The following SNTG1 variants were observed in gnomAD, a reference collection of about 807,000 sequenced individuals.
The protein encoded by SNTG1 is syntrophin gamma 1, also known as gamma-1-syntrophin.
Under a neutral mutation model 74.7 loss-of-function variants are expected in SNTG1, and 39 were observed. That is an observed-to-expected ratio of 0.52 (90% confidence interval 0.40 to 0.68). The LOEUF (loss-of-function observed/expected upper bound fraction) is 0.68, where lower values mean the gene tolerates loss of function less well. Ranked by LOEUF, SNTG1 falls within the 30% of genes least tolerant of loss-of-function variation. SNTG1 has a pLI of 0.00. For synonymous variants in SNTG1, 254 were observed against 217.1 expected, an observed-to-expected ratio of 1.17 and a Z score of -1.49; for missense variants, 685 against 609.5, an observed-to-expected ratio of 1.12 and a Z score of -1.30.
chr8:50,449,395 T>C (rs2093434886), intron 5 of SNTG1, among the ~76,000 whole-genome samples: 1 of 152,214 alleles, frequency 6.6e-6, no homozygotes, highest in South Asian at 2.1e-4. Flanking sequence ...TTGCTACACA[T>C]TGAGGAGAAT....
intron 2 of SNTG1, among the ~76,000 whole-genome samples, chr8:50,332,966 T>C (rs929163274): frequency 2.6e-5 from 4 of 152,256 alleles, no homozygotes; most frequent in African/African-American, 9.6e-5. Flanking sequence ...ATTGTGAGTA[T>C]GTGTTAGCAT....
At chr8:50,586,624 A>G (rs2094649960) in intron 12 of SNTG1, among the ~76,000 whole-genome samples, 1 of 146,218 alleles carries the variant, frequency 6.8e-6, no homozygotes, top group African/African-American at 2.5e-5. Context: ...GTAAATAATG[A>G]CATTCTCTCC....
intron 12 of SNTG1, among the ~76,000 whole-genome samples, chr8:50,564,606 T>G (rs1396957133): frequency 6.6e-6 from 1 of 152,132 alleles, no homozygotes; most frequent in African/African-American, 2.4e-5. Context: ...AGCTTCTCAG[T>G]TTTTTACTTT....
At chr8:50,676,148 T>G (rs1010105806) in intron 15 of SNTG1, among the ~76,000 whole-genome samples, 3 of 152,028 alleles carry the variant, frequency 2.0e-5, no homozygotes, top group African/African-American at 7.2e-5. Flanking sequence ...AGTGTTGTTC[T>G]CTGCATTTCC....
intron 1 of SNTG1, among the ~76,000 whole-genome samples, chr8:50,058,754 G>C (rs1820234301): frequency 6.6e-6 from 1 of 151,942 alleles, no homozygotes; most frequent in Non-Finnish European, 1.5e-5. Context: ...GTGTGTGTGT[G>C]TGTGTGTGTA....
chr8:50,118,087 A>C (rs1012108040), intron 1 of SNTG1, among the ~76,000 whole-genome samples: 4 of 152,176 alleles, frequency 2.6e-5, no homozygotes, highest in Non-Finnish European at 5.9e-5. Context: ...ATTTATGAAC[A>C]ATCTATTTGA....
intron 9 of SNTG1, among the ~76,000 whole-genome samples, chr8:50,504,420 T>C (rs1312280381): frequency 6.6e-6 from 1 of 152,162 alleles, no homozygotes; most frequent in Non-Finnish European, 1.5e-5. Flanking sequence ...AGTTTTGTAA[T>C]TTTATTTTAT....
rs1321568533 is a variant in SNTG1, at chr8:50,794,367, G to T, written c.*1538G>T. The stretch of plus-strand genomic sequence containing the variant: ...AATTTATTTTGCATCAGATTAATTT[G>T]TAAATACATCAAATTGAAAAGAAAA... On this transcript the variant is annotated 3_prime_UTR_variant, in exon 19 of 19. Transcript: ENST00000642720. 1 of 151,608 alleles carries T rather than the reference G, an allele frequency of 6.6e-6. No individual in the cohort carries two copies. The highest frequency in any genetic ancestry group is 1.5e-5 in the Non-Finnish European group (1 of 67,876). The allele number at this position is 151,608 out of a possible 1,614,324, so 9.4% of individuals were successfully genotyped here.
intron 8 of SNTG1, among the ~76,000 whole-genome samples, chr8:50,496,979 T>C (rs540002764): frequency 0.012 from 887 of 75,634 alleles, 12 homozygotes; most frequent in African/African-American, 0.027. Context: ...AGAAGAAAAA[T>C]TGAAAAAAAA....
intron 15 of SNTG1, among the ~76,000 whole-genome samples, chr8:50,703,208 A>C (rs2095432055): frequency 6.6e-6 from 1 of 152,210 alleles, no homozygotes; most frequent in South Asian, 2.1e-4. Flanking sequence ...TTTTTGTAGA[A>C]GTGCTTAGCT....
intron 2 of SNTG1, among the ~76,000 whole-genome samples, chr8:50,371,073 T>C (rs537305266): frequency 5.7e-4 from 87 of 152,280 alleles, no homozygotes; most frequent in Middle Eastern, 3.4e-3. Flanking sequence ...GAGGCTTCTA[T>C]AGGTGAACCA....
At position 50,207,799 on chromosome 8, in the gene SNTG1, A is replaced by G. The variant is rs996878262; in HGVS notation, c.-28+35164A>G. On this transcript the variant is annotated intron_variant, in intron 2 of 18. Transcript: ENST00000642720. ...CTCATTGGTTTCAAAGAACATCTTT[A>G]TTTCTGCCTTCCTTTCTTTATGTAC... Among the ~76,000 whole-genome samples, 15 of 152,258 alleles carry G rather than the reference A, an allele frequency of 9.9e-5. No individual in the cohort carries two copies. The East Asian group carries it at 2.5e-3, about 25-fold the overall frequency.
At chr8:50,360,521 T>C (rs1193412533) in intron 2 of SNTG1, among the ~76,000 whole-genome samples, 1 of 152,110 alleles carries the variant, frequency 6.6e-6, no homozygotes, top group Non-Finnish European at 1.5e-5. Flanking sequence ...CAGGGATACA[T>C]TCTGAGAAAT....
intron 2 of SNTG1, among the ~76,000 whole-genome samples, chr8:50,359,417 G>A (rs978441181): frequency 6.6e-6 from 1 of 152,154 alleles, no homozygotes; most frequent in Non-Finnish European, 1.5e-5. Context: ...ATTGTAAACC[G>A]CTGGCATTTA....
chr8:49,929,762 T>C (rs997538798), intron 1 of SNTG1, among the ~76,000 whole-genome samples: 2 of 151,946 alleles, frequency 1.3e-5, no homozygotes, highest in Middle Eastern at 3.4e-3. Context: ...CATGTGCACA[T>C]TGTGCAGGTT....
At chr8:49,922,374 A>G (rs957207165) in intron 1 of SNTG1, among the ~76,000 whole-genome samples, 2 of 152,142 alleles carry the variant, frequency 1.3e-5, no homozygotes, top group African/African-American at 4.8e-5. Context: ...TTACCTTTTC[A>G]GTGCACTAAA....
intron 3 of SNTG1, among the ~76,000 whole-genome samples, chr8:50,398,859 G>A (rs545989000): frequency 1.3e-5 from 2 of 152,176 alleles, no homozygotes; most frequent in Non-Finnish European, 2.9e-5. Context: ...GAACCCAGGA[G>A]GCAGAGATTG....
intron 3 of SNTG1, among the ~76,000 whole-genome samples, chr8:50,395,181 C>G (rs1373933502): frequency 6.6e-6 from 1 of 152,116 alleles, no homozygotes; most frequent in Non-Finnish European, 1.5e-5. Flanking sequence ...TTTAAAAATA[C>G]TTGTCACTGT....
At chr8:50,442,276 G>T (rs941529646) in intron 5 of SNTG1, among the ~76,000 whole-genome samples, 2 of 152,182 alleles carry the variant, frequency 1.3e-5, no homozygotes, top group Non-Finnish European at 2.9e-5. Context: ...AACTGTAGAA[G>T]GATCAAATGA....
Sources: gnomAD v4.1 joint callset for allele counts (sites outside exome capture counted in the v4.1 genomes callset) on GRCh38, gnomAD v4.1.1 for gene constraint, MANE v1.5 for transcripts, NCBI Gene and HGNC (gene_info 2026-07-23, HGNC 2026-07-21) for gene names.